Variants in CDC14A observed in about 807,000 individuals in gnomAD.
The protein encoded by CDC14A is cell division cycle 14A.
A neutral mutation model predicts 74.4 loss-of-function variants in CDC14A; 53 were observed. The observed-to-expected ratio is 0.71, with a 90% CI of 0.57 to 0.89. CDC14A has a LOEUF of 0.89. Among genes scored for constraint, CDC14A ranks in the 40% least tolerant of loss-of-function variants. The pLI is 0.00. For missense variants in CDC14A, 646 were observed against 713.7 expected (o/e 0.91, Z 1.08); for synonymous variants, 247 against 258.4 (o/e 0.96, Z 0.43).
At chr1:100,379,438 A>C (rs936277251) in intron 3 of CDC14A, among the ~76,000 whole-genome samples, 4 of 152,232 alleles carry the variant, frequency 2.6e-5, no homozygotes, top group African/African-American at 9.6e-5. Context: ...TTGCTGAATG[A>C]TTGAATTTTA....
intron 1 of CDC14A, among the ~76,000 whole-genome samples, chr1:100,346,044 A>G (rs1650389906): frequency 6.6e-6 from 1 of 152,026 alleles, no homozygotes; most frequent in Non-Finnish European, 1.5e-5. Context: ...GGGGGTGGGC[A>G]CCTGTAATCC....
intron 3 of CDC14A, among the ~76,000 whole-genome samples, chr1:100,381,179 CA>C (rs1402964347): frequency 6.6e-6 from 1 of 152,192 alleles, no homozygotes; most frequent in East Asian, 1.9e-4. Context: ...TGATCCCCTT[CA>C]TTTGCAGATC....
intron 8 of CDC14A, among the ~76,000 whole-genome samples, chr1:100,457,939 TTAGAAA>T (rs1370123502): frequency 1.4e-4 from 21 of 152,212 alleles, no homozygotes; most frequent in Admixed American, 1.3e-3. Context: ...CTCTAAATTG[TTAGAAA>T]TAGAATCACT....
At chr1:100,452,732 C>A (rs1666274240) in intron 7 of CDC14A, among the ~76,000 whole-genome samples, 1 of 151,674 alleles carries the variant, frequency 6.6e-6, no homozygotes, top group Admixed American at 6.6e-5. Context: ...GTTTTTTTTG[C>A]ATAGTATTTG....
At chr1:100,369,295 G>A (rs1054286663) in intron 2 of CDC14A, among the ~76,000 whole-genome samples, 10 of 152,130 alleles carry the variant, frequency 6.6e-5, no homozygotes, top group Non-Finnish European at 1.5e-4. Context: ...TTTTAGTAGA[G>A]ATGGGGTTTC....
At chr1:100,506,545 A>G (rs975314245) in intron 15 of CDC14A, among the ~76,000 whole-genome samples, 4 of 152,218 alleles carry the variant, frequency 2.6e-5, no homozygotes, top group African/African-American at 9.6e-5. Context: ...GTATTTGTAG[A>G]TATATGTAAC....
At chr1:100,366,955 A>G (rs1368623743) in intron 2 of CDC14A, among the ~76,000 whole-genome samples, 1 of 152,162 alleles carries the variant, frequency 6.6e-6, no homozygotes, top group East Asian at 1.9e-4. Flanking sequence ...CTCTGAAATA[A>G]TAAAATGTCC....
intron 5 of CDC14A, among the ~76,000 whole-genome samples, chr1:100,439,141 C>T (rs1278208367): frequency 6.6e-6 from 1 of 152,214 alleles, no homozygotes; most frequent in Non-Finnish European, 1.5e-5. Context: ...AAGTATGAAG[C>T]ACTCAATTTT....
intron 2 of CDC14A, among the ~76,000 whole-genome samples, chr1:100,359,661 G>C (rs1365699576): frequency 1.3e-5 from 2 of 152,104 alleles, no homozygotes; most frequent in Non-Finnish European, 2.9e-5. Context: ...AGAAAGAGAG[G>C]AAAGAAATTG....
chr1:100,392,858 A>G (rs1657906927), intron 4 of CDC14A, among the ~76,000 whole-genome samples: 1 of 152,198 alleles, frequency 6.6e-6, no homozygotes, highest in Non-Finnish European at 1.5e-5. Flanking sequence ...CAAGCTAGAC[A>G]TTTTAATTCT....
At chr1:100,428,286 C>T (rs1663197689) in intron 5 of CDC14A, among the ~76,000 whole-genome samples, 1 of 152,088 alleles carries the variant, frequency 6.6e-6, no homozygotes, top group South Asian at 2.1e-4. Flanking sequence ...TCAGGATGTT[C>T]TGTTGAATTG....
At chr1:100,397,949 C>G (rs938513234) in intron 4 of CDC14A, among the ~76,000 whole-genome samples, 12 of 152,230 alleles carry the variant, frequency 7.9e-5, no homozygotes, top group Non-Finnish European at 1.6e-4. Context: ...ACTGCTAAGT[C>G]TGTGACTAAT....
intron 4 of CDC14A, among the ~76,000 whole-genome samples, chr1:100,404,190 C>CA (rs34245613): frequency 0.079 from 10,554 of 133,486 alleles, 809 homozygotes; most frequent in African/African-American, 0.2. Context: ...GACTCCGTCT[C>CA]AAAAAAAAAA....
intron 8 of CDC14A, among the ~76,000 whole-genome samples, chr1:100,455,871 A>G (rs1045715449): frequency 1.3e-5 from 2 of 152,228 alleles, no homozygotes; most frequent in Non-Finnish European, 2.9e-5. Flanking sequence ...GGGTAACACC[A>G]TGTTGAATAA....
intron 13 of CDC14A, among the ~76,000 whole-genome samples, chr1:100,497,721 T>G (rs767153016): frequency 6.6e-6 from 1 of 152,154 alleles, no homozygotes; most frequent in Non-Finnish European, 1.5e-5. Context: ...GAAGACAGGA[T>G]CATGGCTAAG....
At chr1:100,461,304 A>T (rs1667289853) in intron 8 of CDC14A, among the ~76,000 whole-genome samples, 1 of 152,228 alleles carries the variant, frequency 6.6e-6, no homozygotes, top group Non-Finnish European at 1.5e-5. Flanking sequence ...TGTAGGGCGT[A>T]GTATATGGAC....
chr1:100,363,797 A>G (rs1653144424), intron 2 of CDC14A, among the ~76,000 whole-genome samples: 1 of 152,160 alleles, frequency 6.6e-6, no homozygotes, highest in Non-Finnish European at 1.5e-5. Context: ...CTGAAATATC[A>G]AAGTTTTATA....
At chr1:100,392,414 T>C (rs17122377) in intron 4 of CDC14A, among the ~76,000 whole-genome samples, 1,735 of 152,298 alleles carry the variant, frequency 0.011, 32 homozygotes, top group African/African-American at 0.04. Flanking sequence ...TCATAAAGGA[T>C]TGCCATCAAG....
In CDC14A at chr1:100,502,305, A is replaced by G. The variant is rs572304552; in HGVS notation, c.1755+3043A>G. 8.6e-4 allele frequency among the ~76,000 whole-genome samples: 131 copies of G among 152,250 alleles called. 1 individual carries two copies. The highest frequency in any genetic ancestry group is 3.2e-3 in the Admixed American group (49 of 15,288). ...GGTAAGTGCCCTTTACAGGTGTACA[A>G]TTTTTAAGTCTTTTATACCATATTT... On this transcript the variant is annotated intron_variant, in intron 15 of 15. Transcript: ENST00000336454.
Sources: gnomAD v4.1 joint callset for allele counts (sites outside exome capture counted in the v4.1 genomes callset) on GRCh38, gnomAD v4.1.1 for gene constraint, MANE v1.5 for transcripts, NCBI Gene and HGNC (gene_info 2026-07-23, HGNC 2026-07-21) for gene names.